QSER1: variants seen among roughly 807,000 people sequenced by gnomAD.
QSER1 encodes the protein glutamine and serine-rich protein 1.
In QSER1, 49 loss-of-function variants were observed where a neutral mutation model predicts 158.5. The observed-to-expected ratio is 0.31, with a 90% confidence interval of 0.25 to 0.39. QSER1 has a LOEUF of 0.39. Ranked by LOEUF, QSER1 falls within the 10% of genes least tolerant of loss-of-function variation. The pLI, the probability that QSER1 is intolerant of heterozygous loss-of-function variation, is 1.00. For missense variants in QSER1, 1,754 were observed against 2,010.3 expected (o/e 0.87, Z 2.44); for synonymous variants, 650 against 715.5 (o/e 0.91, Z 1.46).
intron 4 of QSER1, among the ~76,000 whole-genome samples, chr11:32,951,637 T>C (rs2133578589): frequency 6.6e-6 from 1 of 152,248 alleles, no homozygotes; most frequent in South Asian, 2.1e-4. Flanking sequence ...ACAATGTAAG[T>C]TTGCAGTTCT....
At chr11:32,972,559 C>T (rs1852887472) in intron 10 of QSER1, among the ~76,000 whole-genome samples, 1 of 152,012 alleles carries the variant, frequency 6.6e-6, no homozygotes, top group Non-Finnish European at 1.5e-5. Context: ...CCTCAGCCTC[C>T]TGAGTAGTTG....
At chr11:32,960,547 C>T (rs1251694652) in intron 8 of QSER1, among the ~76,000 whole-genome samples, 1 of 151,824 alleles carries the variant, frequency 6.6e-6, no homozygotes, top group Non-Finnish European at 1.5e-5. Context: ...GCAACAAGAG[C>T]GAAACTCCAT....
chr11:32,968,014 C>G lies in QSER1; in HGVS notation c.5108-1032C>G, dbSNP rs143563033. Reference sequence around the variant, plus strand: ...TTGCTATTAAATGTTATATTCCTTGCATCATAAAATATGCTTCTCTTTGTA... The same window carrying G: ...TTGCTATTAAATGTTATATTCCTTGGATCATAAAATATGCTTCTCTTTGTA... On this transcript the variant is annotated intron_variant, in intron 9 of 12. Coordinates refer to ENST00000650167, the MANE Select transcript of QSER1 (RefSeq NM_001076786.3). Among the ~76,000 whole-genome samples, 397 of 152,266 alleles carry G rather than the reference C, an allele frequency of 2.6e-3. 1 individual carries two copies. Among genetic ancestry groups the G allele is most frequent in the Middle Eastern group, 0.01 (3 of 294 alleles).
In QSER1 at chr11:32,957,876, C is replaced by G. The variant is rs1393489210; in HGVS notation, c.4759C>G (p.Gln1587Glu). Residue 1587 changes from glutamine to glutamate, a missense_variant, in exon 8 of 13, where the codon CAA (glutamine) becomes GAA (glutamate). Coordinates refer to ENST00000650167, the MANE Select transcript of QSER1 (RefSeq NM_001076786.3). ...TTGTTTATAACATTGCAGAACTGTT[C>G]AAGCTAAGCCAAGTAGTAGCAGTAA... ...NKPSQTIRTV[Q>E]AKPSSSSKTS... 2 of 1,613,464 alleles carry G rather than the reference C, an allele frequency of 1.2e-6. No homozygotes were observed. Among genetic ancestry groups the G allele is most frequent in the African/African-American group, 1.3e-5 (1 of 74,872 alleles).
intron 7 of QSER1, among the ~76,000 whole-genome samples, chr11:32,957,144 T>C (rs1388853800): frequency 6.9e-6 from 1 of 145,588 alleles, no homozygotes; most frequent in Non-Finnish European, 1.5e-5. Flanking sequence ...CTTTTTTTTT[T>C]TTTTTTCTTT....
chr11:32,908,110 A>C (rs1483504296), intron 1 of QSER1, among the ~76,000 whole-genome samples: 1 of 152,218 alleles, frequency 6.6e-6, no homozygotes, highest in Non-Finnish European at 1.5e-5. Context: ...AAGAAAAGGA[A>C]AGCATTACAA....
chr11:32,965,226 C>T (rs1852718033), intron 8 of QSER1, among the ~76,000 whole-genome samples: 1 of 152,154 alleles, frequency 6.6e-6, no homozygotes. Flanking sequence ...ATCCTCCCGC[C>T]TCAGCCTCTT....
chr11:32,968,553 C>T (rs1046157333), intron 9 of QSER1, among the ~76,000 whole-genome samples: 11 of 152,072 alleles, frequency 7.2e-5, no homozygotes, highest in African/African-American at 2.7e-4. Flanking sequence ...GGGTTTTGAT[C>T]ATTTTTCTTC....
At chr11:32,917,837 A>AAC (rs2133520449) in intron 1 of QSER1, among the ~76,000 whole-genome samples, 1 of 150,228 alleles carries the variant, frequency 6.7e-6, no homozygotes, top group Non-Finnish European at 1.5e-5. Context: ...AAAAAAAAAA[A>AAC]AAAAAAACCA....
chr11:32,976,313 T>C (rs1206953934), intron 12 of QSER1, 21 bp from the exon 13 acceptor site: 1 of 1,570,594 alleles, frequency 6.4e-7, no homozygotes, highest in South Asian at 1.2e-5. Flanking sequence ...ATAAGCTAAT[T>C]TGGCGATTTT....
Position 32,932,463 on chromosome 11 carries a change from A to G in QSER1, c.1205A>G (p.Tyr402Cys), listed in dbSNP as rs1852064589. 1 of 1,601,236 alleles carries G rather than the reference A, an allele frequency of 6.2e-7. No individual in the cohort carries two copies. Among genetic ancestry groups the G allele is most frequent in the Non-Finnish European group, 8.6e-7 (1 of 1,168,712 alleles). Residue 402 changes from tyrosine to cysteine, a missense_variant, in exon 4 of 13, where the codon TAT (tyrosine) becomes TGT (cysteine). Transcript: ENST00000650167. ...TCATCTGCGATTCCATCATCAGGGT[A>G]TCCTCCTTCTACTACAAAAATAAAA... ...SYSSAIPSSGYPPSTTKIKSC... is the reference protein window; with the variant it reads ...SYSSAIPSSGCPPSTTKIKSC...
In QSER1 at chr11:32,978,200, A is replaced by AACC. The variant is rs1446947247; in HGVS notation, c.*1727_*1729dup. On this transcript the variant is annotated 3_prime_UTR_variant, in exon 13 of 13. Transcript: ENST00000650167. ...TGTTCCATTTTTGAAAGTTTTAAAA[A>AACC]ACCTGTTTGGGTGGTTTATTTTGAA... 2 of 152,634 alleles carry AACC rather than the reference A, an allele frequency of 1.3e-5. No individual in the cohort carries two copies. Among genetic ancestry groups the AACC allele is most frequent in the East Asian group, 3.8e-4 (2 of 5,204 alleles). 9.5% of individuals were successfully genotyped at this position (152,634 alleles called of 1,614,324 possible). A position where few individuals can be genotyped will look rare whatever the true frequency, so the allele number is the denominator to read the frequency against.
At chr11:32,919,868 C>T (rs1008418786) in intron 1 of QSER1, among the ~76,000 whole-genome samples, 3 of 152,176 alleles carry the variant, frequency 2.0e-5, no homozygotes, top group African/African-American at 7.2e-5. Flanking sequence ...TTTTGTTGCT[C>T]AAAATGTTCC....
In QSER1 at chr11:32,976,690, A is replaced by C; in HGVS notation, c.*216A>C. On this transcript the variant is annotated 3_prime_UTR_variant, in exon 13 of 13. Transcript: ENST00000650167. ...CTAAATCCCACCACATTTTTACCCT[A>C]ATGAATGATTTTTCTATTTTGTAAA... The C allele has an allele frequency of 2.2e-6, 1 of 462,192 alleles. No homozygotes were observed. Among genetic ancestry groups the C allele is most frequent in the South Asian group, 3.4e-5 (1 of 29,618 alleles). The allele number at this position is 462,192 out of a possible 1,614,324, so 28.6% of individuals were successfully genotyped here. A position where few individuals can be genotyped will look rare whatever the true frequency, so the allele number is the denominator to read the frequency against.
chr11:32,969,003 ATTTAT>A, intron 9 of QSER1, 38 bp from the exon 10 acceptor site: 2 of 1,086,270 alleles, frequency 1.8e-6, no homozygotes, highest in Non-Finnish European at 2.7e-6. Flanking sequence ...TTTCAAAAAT[ATTTAT>A]TGATAGTTTA....
In QSER1 at chr11:32,893,173, GCCGCCGCCCGCGCCCC is replaced by G; in HGVS notation, c.58_73del (p.Ala20ProfsTer47). ...CGGGCTTCACCGAGCCGCCGCCGCC[GCCGCCGCCCGCGCCCC>G]CCGCCGCCCCCGTCCCCGCCAGCGC... On this transcript the variant is annotated frameshift_variant, in exon 1 of 13. Coordinates refer to ENST00000650167, the MANE Select transcript of QSER1 (RefSeq NM_001076786.3). LOFTEE classifies it high-confidence loss of function. This position sits in a 1 kb window ranked among gnomAD's most constrained non-coding sequence, Gnocchi z 4.7. 7.0e-6 allele frequency: 1 copy of G among 143,864 alleles called. No homozygotes were observed. Among genetic ancestry groups the G allele is most frequent in the Non-Finnish European group, 1.5e-5 (1 of 66,198 alleles). The allele number at this position is 143,864 out of a possible 1,614,324, so 8.9% of individuals were successfully genotyped here. A position where few individuals can be genotyped will look rare whatever the true frequency, so the allele number is the denominator to read the frequency against.
In QSER1 at chr11:32,917,079, G is replaced by A. The variant is rs117457561; in HGVS notation, c.210-10078G>A. 6.1e-3 allele frequency among the ~76,000 whole-genome samples: 932 copies of A among 152,302 alleles called. 3 individuals carry two copies. The highest frequency in any genetic ancestry group is 0.01 in the Admixed American group (155 of 15,300). On this transcript the variant is annotated intron_variant, in intron 1 of 12. Transcript: ENST00000650167. ...TGGGATTACAGGTGTGAGCCACCAC[G>A]CCCGGCCGGGCATGACTCTAAATGG... is the stretch of plus-strand genomic sequence containing the variant.
At position 32,892,937 on chromosome 11, in the gene QSER1, G is replaced by A. The variant is rs1440031433; in HGVS notation, c.-189G>A. Among the ~76,000 whole-genome samples, 2 of 142,798 alleles carry A rather than the reference G, an allele frequency of 1.4e-5. No homozygotes were observed. The highest frequency in any genetic ancestry group is 4.3e-4 in the East Asian group (2 of 4,702). 93.7% of individuals were successfully genotyped at this position (142,798 alleles called of 152,430 possible). Reference sequence around the variant, plus strand: ...GGGGCCTCGCCGCCCGCCGCGGCCCGGGTCTTTGCGGCCCAGACTCGCCAG... The same window carrying A: ...GGGGCCTCGCCGCCCGCCGCGGCCCAGGTCTTTGCGGCCCAGACTCGCCAG... On this transcript the variant is annotated 5_prime_UTR_variant, in exon 1 of 13. Coordinates refer to ENST00000650167, the MANE Select transcript of QSER1 (RefSeq NM_001076786.3).
At chr11:32,922,814 ACTAACAATAC>A (rs1272802056) in intron 1 of QSER1, among the ~76,000 whole-genome samples, 1 of 151,870 alleles carries the variant, frequency 6.6e-6, no homozygotes, top group African/African-American at 2.4e-5. Context: ...CAACTTACAA[ACTAACAATAC>A]CTAGGGCCCA....
Sources: allele counts gnomAD v4.1 joint callset (sites outside exome capture counted in the v4.1 genomes callset), GRCh38; gene constraint gnomAD v4.1.1; non-coding constraint Gnocchi (gnomAD v3.1); transcripts MANE v1.5; gene names NCBI Gene and HGNC (gene_info 2026-07-23, HGNC 2026-07-21).